The following HS6ST3 variants were observed in gnomAD, a reference collection of about 807,000 sequenced individuals.
HS6ST3 encodes heparan sulfate 6-O-sulfotransferase 3, also known as heparan-sulfate 6-O-sulfotransferase 3.
HS6ST3 carries 12 observed loss-of-function variants against 36.7 expected under a neutral mutation model. That is an observed-to-expected ratio of 0.33 (90% CI 0.21 to 0.53). The LOEUF is 0.53. Ranked by LOEUF, HS6ST3 falls within the 20% of genes least tolerant of loss-of-function variation. HS6ST3 has a pLI of 0.95. For synonymous variants in HS6ST3, 240 were observed against 257.5 expected (o/e 0.93, Z 0.65); for missense variants, 584 against 640.9 (o/e 0.91, Z 0.96).
chr13:96,713,765 G>A (rs1875626893), intron 1 of HS6ST3, among the ~76,000 whole-genome samples: 1 of 151,882 alleles, frequency 6.6e-6, no homozygotes, highest in African/African-American at 2.4e-5. Context: ...AAAATTACAA[G>A]ATTTTCCATT....
intron 1 of HS6ST3, among the ~76,000 whole-genome samples, chr13:96,396,255 A>G (rs919427597): frequency 3.3e-5 from 5 of 151,626 alleles, no homozygotes; most frequent in African/African-American, 1.2e-4. Context: ...CAGAGATTAC[A>G]GTGACCCGAG....
chr13:96,811,061 T>C (rs927131855), intron 1 of HS6ST3, among the ~76,000 whole-genome samples: 8 of 152,122 alleles, frequency 5.3e-5, no homozygotes, highest in Admixed American at 1.3e-4. Flanking sequence ...GGAAACAATG[T>C]TCTGCATGAA....
intron 1 of HS6ST3, among the ~76,000 whole-genome samples, chr13:96,622,181 G>T (rs1278377445): frequency 6.6e-6 from 1 of 150,654 alleles, no homozygotes; most frequent in Non-Finnish European, 1.5e-5. Context: ...CTCTAGGCAA[G>T]AATGGGATGT....
At chr13:96,765,288 G>A (rs1301178296) in intron 1 of HS6ST3, among the ~76,000 whole-genome samples, 3 of 151,790 alleles carry the variant, frequency 2.0e-5, no homozygotes, top group Non-Finnish European at 4.4e-5. Flanking sequence ...TAGCCAGGGT[G>A]GTCTCGATCT....
At chr13:96,106,742 C>T (rs1285195900) in intron 1 of HS6ST3, among the ~76,000 whole-genome samples, 2 of 152,194 alleles carry the variant, frequency 1.3e-5, no homozygotes, top group South Asian at 2.1e-4. Context: ...AATCTGATTG[C>T]ATCTCTTTTC....
intron 1 of HS6ST3, among the ~76,000 whole-genome samples, chr13:96,744,756 A>C (rs958809969): frequency 1.3e-5 from 2 of 152,220 alleles, no homozygotes; most frequent in Admixed American, 1.3e-4. Flanking sequence ...CCAAGATGAA[A>C]GGGGAAATGT....
chr13:96,795,439 A>G (rs934041369), intron 1 of HS6ST3, among the ~76,000 whole-genome samples: 5 of 152,098 alleles, frequency 3.3e-5, no homozygotes, highest in African/African-American at 7.2e-5. Context: ...AAAAGAGGTT[A>G]TATAACTTTC....
intron 1 of HS6ST3, among the ~76,000 whole-genome samples, chr13:96,500,115 CCGATCGA>C (rs934247368): frequency 1.3e-5 from 2 of 152,110 alleles, no homozygotes; most frequent in African/African-American, 4.8e-5. Context: ...CTGGCAACCA[CCGATCGA>C]CTTTCTGCCT....
intron 1 of HS6ST3, among the ~76,000 whole-genome samples, chr13:96,307,280 G>A (rs2054918405): frequency 6.6e-6 from 1 of 151,960 alleles, no homozygotes; most frequent in African/African-American, 2.4e-5. Flanking sequence ...CAATTATTTG[G>A]ACACATAGGC....
chr13:96,199,680 G>A (rs1028967885), intron 1 of HS6ST3, among the ~76,000 whole-genome samples: 1 of 152,090 alleles, frequency 6.6e-6, no homozygotes, highest in Admixed American at 6.6e-5. Flanking sequence ...AGACAAAGCC[G>A]AGGCTCTGGC....
chr13:96,525,615 C>T (rs2056110788), intron 1 of HS6ST3, among the ~76,000 whole-genome samples: 1 of 152,190 alleles, frequency 6.6e-6, no homozygotes, highest in African/African-American at 2.4e-5. Flanking sequence ...GTTTTGCTAT[C>T]ATTTATTTCA....
chr13:96,752,529 C>T (rs1465668992), intron 1 of HS6ST3, among the ~76,000 whole-genome samples: 2 of 152,080 alleles, frequency 1.3e-5, no homozygotes, highest in African/African-American at 4.8e-5. Context: ...TGTGATCTTG[C>T]TTTGCATTTC....
At chr13:96,802,771 A>G (rs967592843) in intron 1 of HS6ST3, among the ~76,000 whole-genome samples, 2 of 152,194 alleles carry the variant, frequency 1.3e-5, no homozygotes, top group African/African-American at 4.8e-5. Context: ...CCCGTGACCC[A>G]GATGCCCTGT....
chr13:96,815,028 A>G (rs947022266), intron 1 of HS6ST3, among the ~76,000 whole-genome samples: 15 of 152,174 alleles, frequency 9.9e-5, no homozygotes, highest in African/African-American at 3.4e-4. Context: ...TGTCTCTCCA[A>G]TAAAGATATA....
intron 1 of HS6ST3, among the ~76,000 whole-genome samples, chr13:96,753,454 C>T (rs1224599758): frequency 6.6e-6 from 1 of 152,000 alleles, no homozygotes; most frequent in Middle Eastern, 3.2e-3. Flanking sequence ...TTTTTAGATA[C>T]TGTATATTTC....
intron 1 of HS6ST3, among the ~76,000 whole-genome samples, chr13:96,428,971 A>G (rs138521916): frequency 6.6e-6 from 1 of 152,360 alleles, no homozygotes; most frequent in East Asian, 1.9e-4. Flanking sequence ...ATAAATGACT[A>G]TAAGAAAATC....
rs534469377 is a variant in HS6ST3, at chr13:96,198,859, A to G, written c.707+107290A>G. Among the ~76,000 whole-genome samples, 15 of 152,314 alleles carry G rather than the reference A, an allele frequency of 9.8e-5. No individual in the cohort carries two copies. In the South Asian group the frequency reaches 2.5e-3, roughly 25 times the overall value. On this transcript the variant is annotated intron_variant, in intron 1 of 1. Coordinates refer to ENST00000376705, the MANE Select transcript of HS6ST3 (RefSeq NM_153456.4). ...GTTATCCAGCTACAAAGTTGCTTCC[A>G]CATTTTTGGATGTATTTTCAGCAAT... is the stretch of plus-strand genomic sequence containing the variant.
intron 1 of HS6ST3, among the ~76,000 whole-genome samples, chr13:96,129,047 A>T (rs1043119537): frequency 1.3e-5 from 2 of 151,996 alleles, no homozygotes; most frequent in African/African-American, 4.8e-5. Context: ...GGGTTTCACC[A>T]TGTTGGCCAG....
chr13:96,701,990 T>C (rs12864425), intron 1 of HS6ST3, among the ~76,000 whole-genome samples: 1 of 151,802 alleles, frequency 6.6e-6, no homozygotes, highest in Non-Finnish European at 1.5e-5. Context: ...AACAAAGGGA[T>C]CTGAGGGAAA....
Sources: allele counts gnomAD v4.1 joint callset (sites outside exome capture counted in the v4.1 genomes callset), GRCh38; gene constraint gnomAD v4.1.1; transcripts MANE v1.5; gene names NCBI Gene and HGNC (gene_info 2026-07-23, HGNC 2026-07-21).